The following MYO16 variants were observed in gnomAD, a reference collection of about 807,000 sequenced individuals.
The protein encoded by MYO16 is unconventional myosin-XVI.
Under a neutral mutation model 205.3 loss-of-function variants are expected in MYO16, and 94 were observed. That is an observed-to-expected ratio of 0.46 (90% CI 0.39 to 0.54). The LOEUF is 0.54. MYO16 is among the 20% of genes least tolerant of loss of function. The pLI is 0.00. For synonymous variants in MYO16, 988 were observed against 954.0 expected (o/e 1.04, Z -0.66); for missense variants, 2,315 against 2,387.5 (o/e 0.97, Z 0.63).
intron 8 of MYO16, among the ~76,000 whole-genome samples, chr13:108,821,597 C>T (rs775761636): frequency 3.3e-5 from 5 of 152,164 alleles, no homozygotes; most frequent in East Asian, 1.9e-4. Context: ...TTTTCAAGTT[C>T]GTATTCCTGG....
chr13:108,749,653 C>A (rs1304532930), intron 4 of MYO16, among the ~76,000 whole-genome samples: 1 of 152,188 alleles, frequency 6.6e-6, no homozygotes, highest in Non-Finnish European at 1.5e-5. Flanking sequence ...CGATGTGGAG[C>A]AACAGGAGCT....
the MYO16 span, among the ~76,000 whole-genome samples, chr13:108,568,474 C>T: frequency 6.6e-6 from 1 of 151,956 alleles, no homozygotes; most frequent in Non-Finnish European, 1.5e-5. Context: ...TGCTTATTGG[C>T]TGTTTGTATA....
intron 28 of MYO16, among the ~76,000 whole-genome samples, chr13:109,105,532 A>G (rs1200493796): frequency 1.3e-5 from 2 of 152,208 alleles, no homozygotes; most frequent in South Asian, 2.1e-4. Context: ...TAAGAATCCA[A>G]TGGATTTTTA....
intron 4 of MYO16, among the ~76,000 whole-genome samples, chr13:108,756,541 ATTTATAT>A: frequency 6.6e-6 from 1 of 152,102 alleles, no homozygotes; most frequent in African/African-American, 2.4e-5. Flanking sequence ...AATATTTTTC[ATTTATAT>A]TTTATTAGAG....
intron 1 of MYO16, among the ~76,000 whole-genome samples, chr13:108,622,807 C>T (rs1334029574): frequency 6.6e-6 from 1 of 152,036 alleles, no homozygotes; most frequent in Non-Finnish European, 1.5e-5. Flanking sequence ...ACGGACCACA[C>T]TCACAGAGCA....
rs1480101747 is a variant in MYO16 at position 109,127,693 on chromosome 13, A to G, written c.4051+143A>G. The G allele has an allele frequency of 4.0e-6, 3 of 757,012 alleles. No individual in the cohort carries two copies. Among genetic ancestry groups the G allele is most frequent in the Admixed American group, 2.9e-5 (1 of 33,926 alleles). 46.9% of individuals were successfully genotyped at this position (757,012 alleles called of 1,614,324 possible). A position where few individuals can be genotyped will look rare whatever the true frequency, so the allele number is the denominator to read the frequency against. On this transcript the variant is annotated intron_variant, in intron 31 of 34. Coordinates refer to ENST00000457511, the MANE Select transcript of MYO16 (RefSeq NM_001198950.3). The surrounding 1 kb of genome is among the most constrained non-coding windows in gnomAD (Gnocchi z 4.2). ...ATTGTTGGCTTGCCAGCAGCTCTTA[A>G]TCATTAAATATAAATAATATTTATT...
the MYO16 span, among the ~76,000 whole-genome samples, chr13:108,543,919 G>A: frequency 1.3e-4 from 19 of 150,630 alleles, 1 homozygote; most frequent in East Asian, 3.5e-3. Flanking sequence ...TACAAAATTA[G>A]CTGGGTGTGG....
intron 2 of MYO16, among the ~76,000 whole-genome samples, chr13:108,672,615 T>C (rs1469498676): frequency 6.6e-6 from 1 of 152,138 alleles, no homozygotes; most frequent in Non-Finnish European, 1.5e-5. Context: ...GATATTTCAG[T>C]GTGTAATTTG....
chr13:108,920,692 C>T (rs1198549653), intron 16 of MYO16, among the ~76,000 whole-genome samples: 4 of 152,324 alleles, frequency 2.6e-5, no homozygotes, highest in African/African-American at 9.6e-5. Context: ...CTCCTTACCT[C>T]TGGTGATCTG....
intron 7 of MYO16, among the ~76,000 whole-genome samples, chr13:108,819,264 A>G (rs1257630847): frequency 6.6e-6 from 1 of 152,192 alleles, no homozygotes; most frequent in Non-Finnish European, 1.5e-5. Flanking sequence ...TTTGTACAAT[A>G]CTATTCCATG....
intron 20 of MYO16, among the ~76,000 whole-genome samples, chr13:108,991,905 G>GT (rs1884845302): frequency 6.6e-6 from 1 of 152,082 alleles, no homozygotes; most frequent in Non-Finnish European, 1.5e-5. Flanking sequence ...TTTGGTTTTT[G>GT]GTTTTTTTGG....
chr13:109,031,154 C>T (rs539052766), intron 23 of MYO16, among the ~76,000 whole-genome samples: 25 of 152,192 alleles, frequency 1.6e-4, no homozygotes, highest in African/African-American at 4.8e-4. Flanking sequence ...TGCAACGGCG[C>T]GATCTCGGCT....
At position 108,652,724 on chromosome 13, in the gene MYO16, C is replaced by G. The variant is rs76954665; in HGVS notation, c.29-13162C>G. On this transcript the variant is annotated intron_variant, in intron 1 of 34. Transcript: ENST00000457511. ...ATATCCATCCATGTTGTGGCATGTA[C>G]AAGAACCTCTTCCACTGTAGGCTGA... Among the ~76,000 whole-genome samples, 398 of 152,286 alleles carry G rather than the reference C, an allele frequency of 2.6e-3. 1 individual carries two copies. The highest frequency in any genetic ancestry group is 9.0e-3 in the African/African-American group (375 of 41,544).
chr13:109,044,960 T>C (rs552823016), intron 23 of MYO16, among the ~76,000 whole-genome samples: 33 of 152,298 alleles, frequency 2.2e-4, no homozygotes, highest in Non-Finnish European at 2.6e-4. Context: ...AGTGCTGGGA[T>C]TACAAGCGTG....
intron 1 of MYO16, among the ~76,000 whole-genome samples, chr13:108,648,401 T>C: frequency 6.6e-6 from 1 of 152,278 alleles, no homozygotes; most frequent in African/African-American, 2.4e-5. Flanking sequence ...ATCTTCTACC[T>C]TTTTATGTCT....
intron 1 of MYO16, among the ~76,000 whole-genome samples, chr13:108,661,296 T>C (rs566144579): frequency 6.6e-6 from 1 of 152,274 alleles, no homozygotes; most frequent in Non-Finnish European, 1.5e-5. Context: ...TCCCAGGTGC[T>C]CTTTGTGCTT....
chr13:108,518,654 C>G, the MYO16 span, among the ~76,000 whole-genome samples: 1 of 152,074 alleles, frequency 6.6e-6, no homozygotes, highest in Non-Finnish European at 1.5e-5. Flanking sequence ...GTTTTCCATA[C>G]AAATAATTAC....
rs192434222 is a variant in MYO16 at position 108,816,682 on chromosome 13, G to C, written c.868-3655G>C. On this transcript the variant is annotated intron_variant, in intron 7 of 34. Coordinates refer to ENST00000457511, the MANE Select transcript of MYO16 (RefSeq NM_001198950.3). ...CAGCTTCCTGCATCATGTAATTCCCGCCTCAAGGTGCATAAAAGGTGTTTG... is the reference window on the plus strand; with the variant it reads ...CAGCTTCCTGCATCATGTAATTCCCCCCTCAAGGTGCATAAAAGGTGTTTG... 5.9e-5 allele frequency among the ~76,000 whole-genome samples: 9 copies of C among 152,164 alleles called. No individual in the cohort carries two copies. In the East Asian group the frequency reaches 1.7e-3, roughly 29 times the overall value.
Position 108,719,434 on chromosome 13 carries a change from C to T in MYO16, c.363+6703C>T, listed in dbSNP as rs144680589. Among the ~76,000 whole-genome samples, 468 of 152,240 alleles carry T rather than the reference C, an allele frequency of 3.1e-3. 2 individuals are homozygous for T. The highest frequency in any genetic ancestry group is 5.0e-3 in the Non-Finnish European group (338 of 68,012). On this transcript the variant is annotated intron_variant, in intron 3 of 34. Transcript: ENST00000457511. ...CTGATCCCATTCCTCCTCAATATCA[C>T]TCAGGCTGTTTCTTACTTTGGGGAG...
Sources: allele counts gnomAD v4.1 joint callset (sites outside exome capture counted in the v4.1 genomes callset), GRCh38; gene constraint gnomAD v4.1.1; non-coding constraint Gnocchi (gnomAD v3.1); transcripts MANE v1.5; gene names NCBI Gene and HGNC (gene_info 2026-07-23, HGNC 2026-07-21).